The following OR10R2 variants were observed in gnomAD, a reference collection of about 807,000 sequenced individuals.
The protein encoded by OR10R2 is olfactory receptor family 10 subfamily R member 2, also known as olfactory receptor 10R2.
Under a neutral mutation model 2.4 loss-of-function variants are expected in OR10R2, and 1 was observed. The observed-to-expected ratio is 0.41, with a 90% CI of 0.15 to 1.95. The LOEUF (loss-of-function observed/expected upper bound fraction) is 1.95, where lower values mean the gene tolerates loss of function less well. Among genes scored for constraint, OR10R2 ranks in the 30% most tolerant of loss-of-function variants. The probability of loss-of-function intolerance (pLI) is 0.30; values close to 1 mark genes in which losing one functional copy is unlikely to be tolerated. For synonymous variants in OR10R2, 166 were observed against 144.8 expected (o/e 1.15, Z -1.05); for missense variants, 419 against 373.0 (o/e 1.12, Z -1.01).
chr1:158,474,972 C>A (rs1656244091), intron 1 of OR10R2, among the ~76,000 whole-genome samples: 1 of 151,986 alleles, frequency 6.6e-6, no homozygotes, highest in African/African-American at 2.4e-5. Flanking sequence ...GAAAATAATA[C>A]CACTAGATAG....
chr1:158,479,205 G>T (rs1340766790), intron 1 of OR10R2, among the ~76,000 whole-genome samples: 1 of 151,978 alleles, frequency 6.6e-6, no homozygotes, highest in East Asian at 1.9e-4. Context: ...ACACATTTGG[G>T]CAATTCTGAT....
At chr1:158,480,054 T>C (rs1656350804) in exon 2 of OR10R2, 2 of 1,614,012 alleles carry the variant, frequency 1.2e-6, no homozygotes, top group Non-Finnish European at 1.7e-6. Flanking sequence ...TAGTCATTCT[T>C]AGTGGCAATG....
chr1:158,475,971 T>C (rs2101673043), intron 1 of OR10R2, among the ~76,000 whole-genome samples: 1 of 152,220 alleles, frequency 6.6e-6, no homozygotes, highest in South Asian at 2.1e-4. Flanking sequence ...TTTTATATTT[T>C]AAAAATCATT....
chr1:158,480,078 T>G, exon 2 of OR10R2: 1 of 1,614,010 alleles, frequency 6.2e-7, no homozygotes, highest in Non-Finnish European at 8.5e-7. Context: ...CCATTATCAG[T>G]GTCATCCACC....
At position 158,480,515 on chromosome 1, in the gene OR10R2, A is replaced by G. The variant is rs778519593; in HGVS notation, c.605A>G (p.Asp202Gly). The G allele has an allele frequency of 4.2e-5, 68 of 1,613,384 alleles. 1 individual carries two copies. The South Asian group carries it at 7.1e-4, about 17-fold the overall frequency. ...ATTCTTCTGGCTTGTACCAACACAG[A>G]TGTTAACGAATTTGTGATATTCATT... Residue 202 changes from aspartate (D) to glycine (G), a missense_variant, in exon 2 of 2, where the codon GAT becomes GGT. Transcript: ENST00000641067.
intron 1 of OR10R2, among the ~76,000 whole-genome samples, chr1:158,473,944 CCT>C (rs367978553): frequency 1.6e-4 from 24 of 147,718 alleles, no homozygotes; most frequent in Non-Finnish European, 3.6e-4. Context: ...CCTCCCTCCC[CCT>C]CTCTCTTTCT....
chr1:158,477,709 G>A (rs1332399740), intron 1 of OR10R2, among the ~76,000 whole-genome samples: 1 of 152,094 alleles, frequency 6.6e-6, no homozygotes, highest in Non-Finnish European at 1.5e-5. Flanking sequence ...AATCAATATT[G>A]TTAAAATGGC....
At chr1:158,480,542 G>A in exon 2 of OR10R2, 1 of 1,613,696 alleles carries the variant, frequency 6.2e-7, no homozygotes, top group South Asian at 1.1e-5. Flanking sequence ...ATATTCATTT[G>A]TGGAGTTCTT....
At position 158,479,962 on chromosome 1, in the gene OR10R2, G is replaced by C. The variant is rs749764136; in HGVS notation, c.52G>C (p.Val18Leu). 3 of 1,613,916 alleles carry C rather than the reference G, an allele frequency of 1.9e-6. No individual in the cohort carries two copies. The East Asian group carries it at 6.7e-5, about 36-fold the overall frequency. Residue 18 changes from valine to leucine, a missense_variant, in exon 2 of 2, where the codon GTC (valine) becomes CTC (leucine). Transcript: ENST00000641067. Reference sequence around the variant, plus strand: ...GATCTTGGCAGAAAACCTCACCATGGTCACCGAATTCCTGTTGCTGGGTTT... The same window carrying C: ...GATCTTGGCAGAAAACCTCACCATGCTCACCGAATTCCTGTTGCTGGGTTT...
chr1:158,480,336 C>T (rs1290992428), exon 2 of OR10R2: 3 of 1,613,996 alleles, frequency 1.9e-6, no homozygotes, highest in Admixed American at 3.3e-5. Flanking sequence ...TGCATTACCC[C>T]ACTCTTATGA....
At chr1:158,477,715 A>G (rs1656295507) in intron 1 of OR10R2, among the ~76,000 whole-genome samples, 1 of 152,182 alleles carries the variant, frequency 6.6e-6, no homozygotes, top group African/African-American at 2.4e-5. Context: ...TATTGTTAAA[A>G]TGGCCGTACT....
At chr1:158,476,943 A>G (rs1423230504) in intron 1 of OR10R2, among the ~76,000 whole-genome samples, 1 of 151,974 alleles carries the variant, frequency 6.6e-6, no homozygotes, top group African/African-American at 2.4e-5. Context: ...TTTTTGCTTG[A>G]TTTGTTTAAG....
intron 1 of OR10R2, among the ~76,000 whole-genome samples, chr1:158,475,241 T>C (rs1332204237): frequency 6.6e-6 from 1 of 152,140 alleles, no homozygotes; most frequent in African/African-American, 2.4e-5. Context: ...CAATTTTCAA[T>C]TTTTCCCTAT....
intron 1 of OR10R2, among the ~76,000 whole-genome samples, chr1:158,479,689 T>TA (rs1282322493): frequency 6.6e-6 from 1 of 152,148 alleles, no homozygotes; most frequent in East Asian, 1.9e-4. Context: ...GGGCCCAAAG[T>TA]AATCATAAGG....
intron 1 of OR10R2, among the ~76,000 whole-genome samples, chr1:158,476,923 GGTT>G (rs1316921893): frequency 1.3e-5 from 2 of 151,862 alleles, no homozygotes; most frequent in Admixed American, 6.6e-5. Context: ...TTTAAAATGG[GGTT>G]TATTGTTTTT....
At chr1:158,479,882 C>G in intron 1 of OR10R2, 56 bp from the exon 2 acceptor site, 3 of 1,597,372 alleles carry the variant, frequency 1.9e-6, no homozygotes, top group Non-Finnish European at 2.6e-6. Context: ...GAGTGCATGC[C>G]CCAAATTCTT....
At chr1:158,479,443 G>T (rs987355807) in intron 1 of OR10R2, among the ~76,000 whole-genome samples, 1 of 151,998 alleles carries the variant, frequency 6.6e-6, no homozygotes, top group Non-Finnish European at 1.5e-5. Context: ...ACACTTTTTT[G>T]TTAAATCTGA....
At chr1:158,474,871 T>C (rs780135357) in intron 1 of OR10R2, among the ~76,000 whole-genome samples, 2 of 152,176 alleles carry the variant, frequency 1.3e-5, no homozygotes, top group Non-Finnish European at 2.9e-5. Flanking sequence ...ACCTCAGTGA[T>C]GTAATAAACA....
At chr1:158,479,059 C>G (rs1656325343) in intron 1 of OR10R2, among the ~76,000 whole-genome samples, 3 of 152,230 alleles carry the variant, frequency 2.0e-5, no homozygotes, top group African/African-American at 4.8e-5. Context: ...AATCAACTTA[C>G]AATTGTTTCT....
Sources: gnomAD v4.1 joint callset for allele counts (sites outside exome capture counted in the v4.1 genomes callset) on GRCh38, gnomAD v4.1.1 for gene constraint, MANE v1.5 for transcripts, NCBI Gene and HGNC (gene_info 2026-07-23, HGNC 2026-07-21) for gene names.